Variants in PACC1 observed in about 807,000 individuals in gnomAD.
The protein encoded by PACC1 is proton-activated chloride channel.
A neutral mutation model predicts 39.7 loss-of-function variants in PACC1; 34 were observed. The ratio of observed to expected loss-of-function variants is 0.86; its 90% CI spans 0.65 to 1.14. The LOEUF (loss-of-function observed/expected upper bound fraction) is 1.14. Among genes scored for constraint, PACC1 ranks in the 50% most tolerant of loss-of-function variants. The pLI is 0.00. For missense variants in PACC1, 379 were observed against 436.4 expected, an observed-to-expected ratio of 0.87 and a Z score of 1.17; for synonymous variants, 127 against 160.6, an observed-to-expected ratio of 0.79 and a Z score of 1.58.
At chr1:212,366,300 C>CTTTTT (rs35052406) in intron 7 of PACC1, among the ~76,000 whole-genome samples, 5 of 107,430 alleles carry the variant, frequency 4.7e-5, no homozygotes, top group Admixed American at 1.1e-4. Context: ...GGTAAGAATA[C>CTTTTT]TTTTTTTTTT....
Position 212,393,679 on chromosome 1 carries a change from T to TAGACAGCTAGCAAGAC in PACC1, c.134-6595_134-6580dup, listed in dbSNP as rs1229231602. On this transcript the variant is annotated intron_variant, in intron 2 of 7. Transcript: ENST00000261455. ...TTTTTGAAAAGATCAACAAAATTGA[T>TAGACAGCTAGCAAGAC]AGACAGCTAGCAAGACTAATAAGGA... 2.3e-3 allele frequency among the ~76,000 whole-genome samples: 348 copies of TAGACAGCTAGCAAGAC among 152,114 alleles called. 3 individuals are homozygous for TAGACAGCTAGCAAGAC. The highest frequency in any genetic ancestry group is 8.0e-3 in the African/African-American group (331 of 41,470).
intron 2 of PACC1, among the ~76,000 whole-genome samples, chr1:212,395,546 A>C (rs1661482712): frequency 1.3e-5 from 2 of 152,222 alleles, no homozygotes; most frequent in Admixed American, 6.5e-5. Context: ...TCATGTCTAA[A>C]ACACCAAAAG....
intron 2 of PACC1, among the ~76,000 whole-genome samples, chr1:212,407,981 G>C (rs1255610171): frequency 6.6e-6 from 1 of 151,798 alleles, no homozygotes; most frequent in African/African-American, 2.4e-5. Flanking sequence ...GGCTGAGGCA[G>C]GAGAATCACT....
At position 212,414,763 on chromosome 1, in the gene PACC1, T is replaced by C. The variant is rs552951118; in HGVS notation, c.-6A>G. 1 of 1,613,158 alleles carries C rather than the reference T, an allele frequency of 6.2e-7. No individual in the cohort carries two copies. The highest frequency in any genetic ancestry group is 1.3e-5 in the African/African-American group (1 of 75,022). ...GAGCGCTCCTGCCGGATCATGGCAC[T>C]GACCAGAGCTTCGGCACACCTGAGA... On this transcript the variant is annotated 5_prime_UTR_variant, in exon 1 of 8. Transcript: ENST00000261455.
chr1:212,377,693 C>CT lies in PACC1; in HGVS notation c.651dup (p.Gly218ArgfsTer7), dbSNP rs1201671274. On this transcript the variant is annotated frameshift_variant, in exon 6 of 8. Transcript: ENST00000261455. LOFTEE classifies it high-confidence loss of function. ...GCACTCTCACAGGCCTGCATGAAGCCTACCCTGTTTGGGCTTGGAGGAAGG... is the reference window on the plus strand; with the variant it reads ...GCACTCTCACAGGCCTGCATGAAGCCTTACCCTGTTTGGGCTTGGAGGAAGG... 2 of 1,614,006 alleles carry CT rather than the reference C, an allele frequency of 1.2e-6. No individual in the cohort carries two copies. Among genetic ancestry groups the CT allele is most frequent in the Non-Finnish European group, 1.7e-6 (2 of 1,180,010 alleles).
At chr1:212,411,717 C>T (rs1327612276) in intron 1 of PACC1, among the ~76,000 whole-genome samples, 1 of 152,180 alleles carries the variant, frequency 6.6e-6, no homozygotes, top group African/African-American at 2.4e-5. Context: ...ATTAAAAACT[C>T]ACCTCCAAGA....
At chr1:212,377,934 G>A (rs1277071209) in intron 5 of PACC1, among the ~76,000 whole-genome samples, 1 of 152,154 alleles carries the variant, frequency 6.6e-6, no homozygotes, top group Admixed American at 6.5e-5. Flanking sequence ...GTAGTCACTG[G>A]CCTCAAGGCA....
At chr1:212,371,742 C>T (rs12088919) in intron 7 of PACC1, among the ~76,000 whole-genome samples, 13,955 of 152,102 alleles carry the variant, frequency 0.092, 2,086 homozygotes, top group African/African-American at 0.31. Flanking sequence ...AACTACAGGC[C>T]GATATCTCTG....
intron 2 of PACC1, among the ~76,000 whole-genome samples, chr1:212,391,094 T>C (rs1398184764): frequency 6.6e-6 from 1 of 152,216 alleles, no homozygotes; most frequent in African/African-American, 2.4e-5. Context: ...AAGAGAGTAG[T>C]GGTTCTCCTA....
At chr1:212,391,437 C>G (rs550438472) in intron 2 of PACC1, among the ~76,000 whole-genome samples, 1 of 152,326 alleles carries the variant, frequency 6.6e-6, no homozygotes, top group African/African-American at 2.4e-5. Context: ...AAAACCCCAT[C>G]TGTACATCAC....
chr1:212,384,977 G>A (rs778101865), intron 4 of PACC1, among the ~76,000 whole-genome samples: 2 of 151,964 alleles, frequency 1.3e-5, no homozygotes, highest in East Asian at 1.9e-4. Flanking sequence ...TCGCTATATC[G>A]CACCAGCCCC....
In PACC1 at chr1:212,380,128, T is replaced by G. The variant is rs56160775; in HGVS notation, c.496-91A>C. 1.6e-3 allele frequency: 2,201 copies of G among 1,394,460 alleles called. 32 individuals are homozygous for G. The African/African-American group carries it at 0.028, about 18-fold the overall frequency. The allele number at this position is 1,394,460 out of a possible 1,614,324, so 86.4% of individuals were successfully genotyped here. ...GCAGAAGTACTGACTGGAAAGCCCA[T>G]AGCTCCTTGCCCAGTGGTCTCCAAA... On this transcript the variant is annotated intron_variant, in intron 4 of 7. Coordinates refer to ENST00000261455, the MANE Select transcript of PACC1 (RefSeq NM_018252.3).
At chr1:212,413,950 G>C (rs1349967280) in intron 1 of PACC1, 2 of 1,535,670 alleles carry the variant, frequency 1.3e-6, no homozygotes, top group East Asian at 4.9e-5. Flanking sequence ...GGGCACAGAA[G>C]AGGACGGTTG....
chr1:212,407,672 G>C (rs1158437341), intron 2 of PACC1, among the ~76,000 whole-genome samples: 2 of 152,176 alleles, frequency 1.3e-5, no homozygotes, highest in African/African-American at 2.4e-5. Context: ...GTAGAGGCAG[G>C]ATCTCATTTT....
intron 1 of PACC1, among the ~76,000 whole-genome samples, chr1:212,412,141 C>CA (rs1319956986): frequency 2.1e-3 from 275 of 128,612 alleles, no homozygotes; most frequent in East Asian, 6.6e-3. Context: ...AACTCAGTCT[C>CA]AAAAAAAAAA....
intron 2 of PACC1, among the ~76,000 whole-genome samples, chr1:212,405,725 C>T (rs1661886503): frequency 6.6e-6 from 1 of 152,206 alleles, no homozygotes; most frequent in Non-Finnish European, 1.5e-5. Flanking sequence ...GATTTGAGCC[C>T]TGCCACTCAT....
At chr1:212,413,223 A>G (rs1035729565) in intron 1 of PACC1, among the ~76,000 whole-genome samples, 1 of 152,200 alleles carries the variant, frequency 6.6e-6, no homozygotes, top group African/African-American at 2.4e-5. Flanking sequence ...AGAAATATAG[A>G]AATCTGTCCA....
intron 7 of PACC1, among the ~76,000 whole-genome samples, chr1:212,367,115 A>T (rs972899874): frequency 6.6e-6 from 1 of 152,140 alleles, no homozygotes; most frequent in Non-Finnish European, 1.5e-5. Flanking sequence ...ACGTTAGAGG[A>T]GGTGGAGCCA....
chr1:212,375,069 C>T (rs1660597193), intron 7 of PACC1, 124 bp downstream of exon 7: 2 of 641,764 alleles, frequency 3.1e-6, no homozygotes, highest in African/African-American at 1.8e-5. Context: ...GTAGACTTAT[C>T]AGTCTACAAG....
Sources: allele counts gnomAD v4.1 joint callset (sites outside exome capture counted in the v4.1 genomes callset), GRCh38; gene constraint gnomAD v4.1.1; transcripts MANE v1.5; gene names NCBI Gene and HGNC (gene_info 2026-07-23, HGNC 2026-07-21).